The following PCDHGB4 variants were observed in gnomAD, a reference collection of about 807,000 sequenced individuals.
PCDHGB4 encodes protocadherin gamma subfamily B, 4, also known as protocadherin gamma-B4.
Under a neutral mutation model 60.5 loss-of-function variants are expected in PCDHGB4, and 38 were observed. The ratio of observed to expected loss-of-function variants is 0.63; its 90% CI spans 0.48 to 0.82. The LOEUF is 0.82. Ranked by LOEUF, PCDHGB4 falls within the 40% of genes least tolerant of loss-of-function variation. The pLI, the probability that PCDHGB4 is intolerant of heterozygous loss-of-function variation, is 0.00. For synonymous variants in PCDHGB4, 456 were observed against 509.7 expected (o/e 0.89, Z 1.42); for missense variants, 1,109 against 1,209.6 (o/e 0.92, Z 1.23).
chr5:141,419,616 AC>A, intron 1 of PCDHGB4: 1 of 1,612,204 alleles, frequency 6.2e-7, no homozygotes, highest in Non-Finnish European at 8.5e-7. Flanking sequence ...CAGCCAGGCT[AC>A]CTGGTGACCA....
Position 141,486,276 on chromosome 5 carries a change from T to C in PCDHGB4, c.2398-8531T>C. The C allele has an allele frequency of 1.2e-6, 2 of 1,613,980 alleles. No homozygotes were observed. The highest frequency in any genetic ancestry group is 1.7e-6 in the Non-Finnish European group (2 of 1,179,974). On this transcript the variant is annotated intron_variant, in intron 1 of 3. Coordinates refer to ENST00000519479, the MANE Select transcript of PCDHGB4 (RefSeq NM_003736.4). The surrounding 1 kb of genome is among the most constrained non-coding windows in gnomAD (Gnocchi z 5.0). ...CCCGAGAGTGCAGAACCTGGCACTG[T>C]GGTGGCACTTATCAGTGTGCAGGAT...
chr5:141,403,054 A>G, intron 1 of PCDHGB4: 6 of 1,614,062 alleles, frequency 3.7e-6, no homozygotes, highest in Non-Finnish European at 5.1e-6. Flanking sequence ...TTCGCTACTC[A>G]GTGCCTGAAG....
At position 141,408,137 on chromosome 5, in the gene PCDHGB4, T is replaced by C; in HGVS notation, c.2397+17856T>C. ...CTCCTGTCCTGGGCCGAATGCTCTT[T>C]TAGCGCGGTAGAGTGCACTTTCTCC... On this transcript the variant is annotated intron_variant, in intron 1 of 3. Coordinates refer to ENST00000519479, the MANE Select transcript of PCDHGB4 (RefSeq NM_003736.4). 4.0e-6 allele frequency: 6 copies of C among 1,488,870 alleles called. No individual in the cohort carries two copies. The South Asian group carries it at 8.2e-5, about 20-fold the overall frequency. 92.2% of individuals were successfully genotyped at this position (1,488,870 alleles called of 1,614,324 possible).
rs191165529 is a variant in PCDHGB4 at position 141,388,941 on chromosome 5, C to T, written c.1057C>T (p.Leu353=). Residue 353 remains leucine, a synonymous_variant, in exon 1 of 4, where the codon CTA becomes TTA. Coordinates refer to ENST00000519479, the MANE Select transcript of PCDHGB4 (RefSeq NM_003736.4). ...AGTGATATTCCAGTCTCTACCCAAC[C>T]TAATTATGGAGGACGCCGAGCTGGG... is the stretch of plus-strand genomic sequence containing the variant. ...PEVIFQSLPN[L]IMEDAELGTH... 5.6e-6 allele frequency: 9 copies of T among 1,613,962 alleles called. No homozygotes were observed. The highest frequency in any genetic ancestry group is 5.0e-5 in the Admixed American group (3 of 60,024).
intron 1 of PCDHGB4, chr5:141,415,746 T>TTG: frequency 3.0e-6 from 2 of 662,596 alleles, no homozygotes; most frequent in Non-Finnish European, 3.7e-6. Flanking sequence ...TAAGGTTTTT[T>TTG]TTTTTTTTTT....
chr5:141,498,251 C>A (rs1277949209), intron 2 of PCDHGB4, among the ~76,000 whole-genome samples: 1 of 152,178 alleles, frequency 6.6e-6, no homozygotes, highest in African/African-American at 2.4e-5. Flanking sequence ...CAAAGCAGGG[C>A]TGGTGTTGAG....
chr5:141,504,786 C>T (rs568185327), intron 2 of PCDHGB4, among the ~76,000 whole-genome samples: 1 of 152,132 alleles, frequency 6.6e-6, no homozygotes, highest in Non-Finnish European at 1.5e-5. Flanking sequence ...TCTCTTGGGG[C>T]CTCCTACATC....
rs371079504 is a variant in PCDHGB4, at chr5:141,422,041, G to C, written c.2397+31760G>C. 9 of 1,611,514 alleles carry C rather than the reference G, an allele frequency of 5.6e-6. No homozygotes were observed. The highest frequency in any genetic ancestry group is 5.9e-6 in the Non-Finnish European group (7 of 1,179,230). On this transcript the variant is annotated intron_variant, in intron 1 of 3. Transcript: ENST00000519479. ...GATGGTTAATGCAACGGATCCAGAC[G>C]AGGGAATCAACGGGGAAGTAATGTA...
intron 1 of PCDHGB4, among the ~76,000 whole-genome samples, chr5:141,467,296 A>T (rs1032802325): frequency 1.3e-5 from 2 of 151,740 alleles, no homozygotes; most frequent in South Asian, 4.2e-4. Flanking sequence ...CAAGTGATCC[A>T]CTCACCTCGG....
rs1169150224 is a variant in PCDHGB4 at position 141,388,374 on chromosome 5, A to G, written c.490A>G (p.Ser164Gly). The G allele has an allele frequency of 6.2e-7, 1 of 1,614,020 alleles. No individual in the cohort carries two copies. The highest frequency in any genetic ancestry group is 1.1e-5 in the South Asian group (1 of 91,082). Residue 164 changes from serine (S) to glycine (G), a missense_variant, in exon 1 of 4, where the codon AGC becomes GGC. Coordinates refer to ENST00000519479, the MANE Select transcript of PCDHGB4 (RefSeq NM_003736.4). Reference protein sequence around the residue: ...LGSAHDADIGSNTLQNYQLSP... With the variant: ...LGSAHDADIGGNTLQNYQLSP... ...ATCTGCCCATGATGCGGATATTGGT[A>G]GCAACACACTGCAGAATTACCAACT... is the stretch of plus-strand genomic sequence containing the variant.
intron 1 of PCDHGB4, chr5:141,427,497 G>C (rs775492626): frequency 1.6e-5 from 9 of 568,020 alleles, no homozygotes; most frequent in African/African-American, 3.7e-5. Flanking sequence ...GCTTGTAACA[G>C]ATGGGACCCT....
chr5:141,487,616 G>T lies in PCDHGB4; in HGVS notation c.2398-7191G>T. The T allele has an allele frequency of 1.2e-6, 2 of 1,614,220 alleles. No homozygotes were observed. The highest frequency in any genetic ancestry group is 1.7e-6 in the Non-Finnish European group (2 of 1,180,044). ...CTCTGATCTTCTCTATGGGCTAGAGGTGAGACCTTTGCAGGCTCAACAAAT... is the reference window on the plus strand; with the variant it reads ...CTCTGATCTTCTCTATGGGCTAGAGTTGAGACCTTTGCAGGCTCAACAAAT... On this transcript the variant is annotated intron_variant, in intron 1 of 3. Coordinates refer to ENST00000519479, the MANE Select transcript of PCDHGB4 (RefSeq NM_003736.4). This position sits in a 1 kb window ranked among gnomAD's most constrained non-coding sequence, Gnocchi z 5.0.
In PCDHGB4 at chr5:141,390,133, A is replaced by G. The variant is rs1394678030; in HGVS notation, c.2249A>G (p.Tyr750Cys). ...AGCGAGGGGACTTTGCCTTATTCCT[A>G]CAATCTATGTGTTGCACATACAGGA... ...NYSEGTLPYS[Y>C]NLCVAHTGKT... Residue 750 changes from tyrosine (Y) to cysteine (C), a missense_variant, in exon 1 of 4, where the codon TAC (tyrosine) becomes TGC (cysteine). Tyr to Cys is a radical substitution (Grantham distance 194). Around this residue, in one of 2 missense-constraint regions of PCDHGB4, gnomAD observed 1,068 missense variants for 1,089.9 expected, o/e 0.98. Coordinates refer to ENST00000519479, the MANE Select transcript of PCDHGB4 (RefSeq NM_003736.4). The G allele has an allele frequency of 3.1e-6, 5 of 1,614,040 alleles. No individual in the cohort carries two copies. The South Asian group carries it at 5.5e-5, about 18-fold the overall frequency.
chr5:141,426,882 C>T, intron 1 of PCDHGB4: 1 of 456,664 alleles, frequency 2.2e-6, no homozygotes, highest in South Asian at 1.5e-5. Flanking sequence ...GCCCCTGGGC[C>T]AGGAGCAACA....
chr5:141,472,071 A>T (rs1243864250), intron 1 of PCDHGB4, among the ~76,000 whole-genome samples: 5 of 152,200 alleles, frequency 3.3e-5, no homozygotes, highest in South Asian at 2.1e-4. Context: ...GTCTGTGGTT[A>T]TATCAATGAG....
At position 141,431,374 on chromosome 5, in the gene PCDHGB4, G is replaced by T. The variant is rs1561851775; in HGVS notation, c.2397+41093G>T. On this transcript the variant is annotated intron_variant, in intron 1 of 3. Coordinates refer to ENST00000519479, the MANE Select transcript of PCDHGB4 (RefSeq NM_003736.4). The surrounding 1 kb of genome is among the most constrained non-coding windows in gnomAD (Gnocchi z 4.8). ...AACGCGCCCTGGACCGCGAAGAAAA[G>T]GCTGCTCACCACCTGGTCCTTACGG... 1.9e-6 allele frequency: 3 copies of T among 1,613,862 alleles called. No individual in the cohort carries two copies. Among genetic ancestry groups the T allele is most frequent in the Non-Finnish European group, 2.5e-6 (3 of 1,180,044 alleles).
At chr5:141,414,099 A>G in intron 1 of PCDHGB4, 1 of 1,593,504 alleles carries the variant, frequency 6.3e-7, no homozygotes, top group Non-Finnish European at 8.5e-7. Flanking sequence ...TAAAAATATC[A>G]GAAAATCTAG....
chr5:141,473,930 G>T (rs966856411), intron 1 of PCDHGB4, among the ~76,000 whole-genome samples: 3 of 152,156 alleles, frequency 2.0e-5, no homozygotes, highest in Admixed American at 6.5e-5. Flanking sequence ...TGAGCTGGGT[G>T]CAGTAGCTCA....
chr5:141,398,684 A>G (rs752285568), intron 1 of PCDHGB4: 1 of 1,613,958 alleles, frequency 6.2e-7, no homozygotes, highest in Admixed American at 1.7e-5. Context: ...AAGGAGAAAC[A>G]GGATGGTAGT....
Sources: gnomAD v4.1 joint callset for allele counts (sites outside exome capture counted in the v4.1 genomes callset) on GRCh38, gnomAD v4.1.1 for gene constraint, gnomAD v4.1.1 regional missense constraint, Gnocchi (gnomAD v3.1) non-coding constraint, MANE v1.5 for transcripts, NCBI Gene and HGNC (gene_info 2026-07-23, HGNC 2026-07-21) for gene names.